Variants in FBXL5 observed in about 807,000 individuals in gnomAD.
FBXL5 encodes the protein F-box/LRR-repeat protein 5.
In FBXL5, 26 loss-of-function variants were observed where a neutral mutation model predicts 78.3. That is an observed-to-expected ratio of 0.33 (90% CI 0.24 to 0.46). The LOEUF is 0.46. Among genes scored for constraint, FBXL5 ranks in the 20% least tolerant of loss-of-function variants. The pLI, the probability that FBXL5 is intolerant of heterozygous loss-of-function variation, is 1.00. For missense variants in FBXL5, 710 were observed against 829.2 expected (o/e 0.86, Z 1.77); for synonymous variants, 295 against 282.5 (o/e 1.04, Z -0.45).
intron 3 of FBXL5, among the ~76,000 whole-genome samples, chr4:15,639,431 T>A (rs1379603757): frequency 1.3e-5 from 2 of 152,236 alleles, no homozygotes; most frequent in Non-Finnish European, 2.9e-5. Flanking sequence ...CTGAGACATT[T>A]AACTTTTCAA....
At chr4:15,621,235 T>G (rs1378004056) in intron 9 of FBXL5, among the ~76,000 whole-genome samples, 1 of 152,140 alleles carries the variant, frequency 6.6e-6, no homozygotes, top group African/African-American at 2.4e-5. Context: ...AAAAAAAATG[T>G]TAGAACTAAT....
At chr4:15,615,795 G>A (rs1451693285) in intron 9 of FBXL5, among the ~76,000 whole-genome samples, 1 of 151,946 alleles carries the variant, frequency 6.6e-6, no homozygotes, top group Non-Finnish European at 1.5e-5. Context: ...AGGCCACTTG[G>A]CTCTACCAAT....
intron 9 of FBXL5, among the ~76,000 whole-genome samples, chr4:15,619,840 GGAGT>G (rs1712301483): frequency 6.6e-6 from 1 of 151,974 alleles, no homozygotes; most frequent in East Asian, 1.9e-4. Flanking sequence ...AAAAGTAAAA[GGAGT>G]AAGTAAAATT....
intron 4 of FBXL5, among the ~76,000 whole-genome samples, chr4:15,637,855 G>A (rs1714444387): frequency 6.7e-6 from 1 of 149,484 alleles, no homozygotes; most frequent in Non-Finnish European, 1.5e-5. Context: ...TAATCTTGAA[G>A]AAGCAAAGCT....
intron 1 of FBXL5, among the ~76,000 whole-genome samples, chr4:15,647,249 A>G (rs1478645374): frequency 8.8e-6 from 1 of 114,260 alleles, no homozygotes; most frequent in African/African-American, 3.4e-5. Context: ...AAAAAGAAAG[A>G]AAATGTTGAA....
chr4:15,675,423 T>G (rs552179439), intron 1 of FBXL5, among the ~76,000 whole-genome samples: 4 of 152,144 alleles, frequency 2.6e-5, no homozygotes, highest in Non-Finnish European at 5.9e-5. Flanking sequence ...TATCCTGGAT[T>G]TACCAGCCTT....
intron 1 of FBXL5, among the ~76,000 whole-genome samples, chr4:15,651,352 G>A (rs774013989): frequency 3.3e-5 from 5 of 152,176 alleles, no homozygotes; most frequent in Non-Finnish European, 7.3e-5. Context: ...ATTACTAATT[G>A]AATGAGTTGG....
chr4:15,672,826 T>C (rs942689945), intron 1 of FBXL5, among the ~76,000 whole-genome samples: 1 of 152,206 alleles, frequency 6.6e-6, no homozygotes, highest in Non-Finnish European at 1.5e-5. Flanking sequence ...TTTTTGACTC[T>C]CTTGTAATAA....
intron 1 of FBXL5, among the ~76,000 whole-genome samples, chr4:15,670,984 C>T (rs1158063429): frequency 1.6e-5 from 2 of 125,016 alleles, no homozygotes; most frequent in African/African-American, 3.1e-5. Flanking sequence ...AATGCAGTGG[C>T]GTGATCTCGG....
chr4:15,641,962 A>T (rs1714929356), intron 2 of FBXL5, among the ~76,000 whole-genome samples: 3 of 151,766 alleles, frequency 2.0e-5, no homozygotes, highest in Admixed American at 2.0e-4. Context: ...TGGAAGAAGG[A>T]GGTTGCGGTG....
intron 1 of FBXL5, among the ~76,000 whole-genome samples, chr4:15,654,221 T>C (rs1262685439): frequency 6.6e-6 from 1 of 152,242 alleles, no homozygotes; most frequent in Non-Finnish European, 1.5e-5. Flanking sequence ...TTGATTTCTA[T>C]GCTTAAACAG....
At chr4:15,640,923 G>C (rs368901189) in intron 2 of FBXL5, 40 bp from the exon 3 acceptor site, 7 of 1,147,488 alleles carry the variant, frequency 6.1e-6, no homozygotes, top group Non-Finnish European at 7.3e-6. Context: ...TAAAAGTTTC[G>C]CTTCATTAAT....
intron 9 of FBXL5, among the ~76,000 whole-genome samples, chr4:15,616,087 C>G (rs796548060): frequency 6.6e-6 from 1 of 152,056 alleles, no homozygotes; most frequent in Non-Finnish European, 1.5e-5. Context: ...TAACACTCAC[C>G]GCGAAGGTCT....
intron 6 of FBXL5, among the ~76,000 whole-genome samples, chr4:15,628,243 T>C (rs1180558960): frequency 6.6e-5 from 10 of 152,092 alleles, no homozygotes; most frequent in Admixed American, 5.9e-4. Context: ...AAAGAAAATA[T>C]GATATCAAAA....
At chr4:15,663,986 C>T (rs1382788043), upstream of FBXL5, among the ~76,000 whole-genome samples, 9 of 152,158 alleles carry the variant, frequency 5.9e-5, no homozygotes, top group Non-Finnish European at 1.3e-4. Context: ...ATTGTAGGCA[C>T]TCTTATCCTG....
intron 6 of FBXL5, among the ~76,000 whole-genome samples, chr4:15,628,683 A>T (rs114759189): frequency 6.1e-4 from 93 of 151,734 alleles, no homozygotes; most frequent in African/African-American, 2.1e-3. Flanking sequence ...AACTAAGTAT[A>T]GCAGACAAAA....
upstream of FBXL5, among the ~76,000 whole-genome samples, chr4:15,663,993 C>T (rs997116451): frequency 1.3e-5 from 2 of 152,090 alleles, no homozygotes; most frequent in African/African-American, 2.4e-5. Flanking sequence ...GCACTCTTAT[C>T]CTGATTTTTC....
chr4:15,644,855 T>C (rs1560234286), intron 1 of FBXL5, 147 bp from the exon 2 acceptor site: 1 of 625,816 alleles, frequency 1.6e-6, no homozygotes, highest in Non-Finnish European at 2.7e-6. Flanking sequence ...ATTCATAAAT[T>C]AACAAGTTAT....
At chr4:15,639,097 G>C (rs1714571432) in intron 3 of FBXL5, among the ~76,000 whole-genome samples, 1 of 152,242 alleles carries the variant, frequency 6.6e-6, no homozygotes, top group Non-Finnish European at 1.5e-5. Context: ...CTGGGAGGCA[G>C]AGGTTGCGGC....
Sources: allele counts gnomAD v4.1 joint callset (sites outside exome capture counted in the v4.1 genomes callset), GRCh38; gene constraint gnomAD v4.1.1; transcripts MANE v1.5; gene names NCBI Gene and HGNC (gene_info 2026-07-23, HGNC 2026-07-21).